Variants in ABCG1 observed in about 807,000 individuals in gnomAD.
The protein encoded by ABCG1 is ATP binding cassette subfamily G member 1.
A neutral mutation model predicts 69.2 loss-of-function variants in ABCG1; 29 were observed. The observed-to-expected ratio is 0.42, with a 90% CI of 0.31 to 0.57. ABCG1 has a LOEUF of 0.57. Ranked by LOEUF, ABCG1 falls within the 20% of genes least tolerant of loss-of-function variation. The pLI is 0.15. For synonymous variants in ABCG1, 370 were observed against 374.8 expected (o/e 0.99, Z 0.15); for missense variants, 718 against 898.1 (o/e 0.80, Z 2.56).
At chr21:42,230,067 A>C (rs977807487) in intron 2 of ABCG1, among the ~76,000 whole-genome samples, 3 of 152,254 alleles carry the variant, frequency 2.0e-5, no homozygotes, top group Admixed American at 6.5e-5. Flanking sequence ...CAATCCTTAC[A>C]AGAAAGGCGA....
chr21:42,265,643 G>A (rs413656), intron 2 of ABCG1, among the ~76,000 whole-genome samples: 66,795 of 151,770 alleles, frequency 0.44, 15,019 homozygotes, highest in Middle Eastern at 0.58. Context: ...TCCAGCCTCC[G>A]GGGCTGTGAG....
chr21:42,270,963 A>AT, intron 2 of ABCG1, 107 bp from the exon 3 acceptor site: 1 of 643,802 alleles, frequency 1.6e-6, no homozygotes, highest in Non-Finnish European at 2.6e-6. Context: ...TCTATGATGC[A>AT]TGTCAAAGGT....
intron 1 of ABCG1, among the ~76,000 whole-genome samples, chr21:42,200,486 A>G (rs922298683): frequency 5.3e-5 from 8 of 152,156 alleles, no homozygotes; most frequent in African/African-American, 1.7e-4. Flanking sequence ...GGGGTCCCCA[A>G]ACTTTTTGGC....
chr21:42,282,883 C>T (rs745417487), intron 6 of ABCG1, among the ~76,000 whole-genome samples: 9 of 151,664 alleles, frequency 5.9e-5, no homozygotes, highest in East Asian at 1.9e-4. Context: ...GCTCTGACCC[C>T]GCCTGCAGGA....
intron 2 of ABCG1, chr21:42,260,045 G>A: frequency 6.5e-7 from 1 of 1,550,386 alleles, no homozygotes; most frequent in Non-Finnish European, 8.7e-7. Context: ...CCCATCACCT[G>A]GGGGTGGTCG....
chr21:42,245,223 G>A lies in ABCG1; in HGVS notation c.286+19309G>A, dbSNP rs117141533. Among the ~76,000 whole-genome samples the A allele has an allele frequency of 7.0e-3, 1,065 of 152,330 alleles. 6 individuals are homozygous for A. The highest frequency in any genetic ancestry group is 0.017 in the Middle Eastern group (5 of 294). ...TTCTGCATCCGAGGACTTCTGAAAA[G>A]CCACAGATGGAAGAACCAAAGAAAA... On this transcript the variant is annotated intron_variant, in intron 2 of 14. Transcript: ENST00000398449.
chr21:42,233,756 G>A (rs770996204), intron 2 of ABCG1, among the ~76,000 whole-genome samples: 1 of 152,266 alleles, frequency 6.6e-6, no homozygotes, highest in Non-Finnish European at 1.5e-5. Context: ...TGCGGCATCC[G>A]CAGGGTGCAG....
At chr21:42,224,600 C>A (rs2067784347) in intron 1 of ABCG1, among the ~76,000 whole-genome samples, 1 of 152,158 alleles carries the variant, frequency 6.6e-6, no homozygotes, top group Non-Finnish European at 1.5e-5. Context: ...AGTGCAGGAG[C>A]TAAGTTTTGA....
At chr21:42,258,158 C>G (rs953170949) in intron 2 of ABCG1, among the ~76,000 whole-genome samples, 2 of 127,602 alleles carry the variant, frequency 1.6e-5, no homozygotes, top group Non-Finnish European at 3.4e-5. Flanking sequence ...CCACTCATCC[C>G]TCCACTCATC....
chr21:42,234,880 C>T (rs1186943175), intron 2 of ABCG1, among the ~76,000 whole-genome samples: 1 of 151,546 alleles, frequency 6.6e-6, no homozygotes, highest in Non-Finnish European at 1.5e-5. Context: ...CGCCACCGCC[C>T]GCGCCGGGGT....
exon 2 of ABCG1, chr21:42,201,653 C>G: frequency 6.2e-7 from 1 of 1,604,900 alleles, no homozygotes; most frequent in Non-Finnish European, 8.5e-7. Flanking sequence ...GGATCACCGA[C>G]TCTGTGCCAG....
At chr21:42,227,850 G>A (rs2067841474) in intron 2 of ABCG1, among the ~76,000 whole-genome samples, 2 of 152,118 alleles carry the variant, frequency 1.3e-5, no homozygotes, top group Admixed American at 1.3e-4. Context: ...GAGAGAGAGA[G>A]AGAGAGCATA....
chr21:42,231,041 T>C (rs2123548775), intron 2 of ABCG1, among the ~76,000 whole-genome samples: 1 of 152,274 alleles, frequency 6.6e-6, no homozygotes. Flanking sequence ...TGGTGTGGGG[T>C]TGCCTTGGCT....
chr21:42,295,722 A>G lies in ABCG1; in HGVS notation c.1773-442A>G, dbSNP rs372736820. 7.9e-5 allele frequency among the ~76,000 whole-genome samples: 12 copies of G among 152,378 alleles called. 1 individual carries two copies. Among genetic ancestry groups the G allele is most frequent in the East Asian group, 3.9e-4 (2 of 5,192 alleles). On this transcript the variant is annotated intron_variant, in intron 14 of 14. Transcript: ENST00000398449. ...ATCAGAAACCGACGTCTTTCTTCTC[A>G]AAATGAGTGCTTTTGTTCTGACAGG...
chr21:42,265,942 G>T (rs1052450351), intron 2 of ABCG1, among the ~76,000 whole-genome samples: 3 of 152,172 alleles, frequency 2.0e-5, no homozygotes, highest in Non-Finnish European at 4.4e-5. Flanking sequence ...CCTGGACAGG[G>T]TTCTTCTCTC....
At position 42,234,796 on chromosome 21, in the gene ABCG1, G is replaced by A. The variant is rs138793961; in HGVS notation, c.286+8882G>A. Reference sequence around the variant, plus strand: ...ACGCCCGGGAGAAAACAGCGCTGCCGGAGCCCCTCGCGCGCGCAGGTGCGG... The same window carrying A: ...ACGCCCGGGAGAAAACAGCGCTGCCAGAGCCCCTCGCGCGCGCAGGTGCGG... On this transcript the variant is annotated intron_variant, in intron 2 of 14. Coordinates refer to ENST00000398449, the MANE Select transcript of ABCG1 (RefSeq NM_016818.3). Among the ~76,000 whole-genome samples, 318 of 151,932 alleles carry A rather than the reference G, an allele frequency of 2.1e-3. 2 individuals are homozygous for A. Among genetic ancestry groups the A allele is most frequent in the African/African-American group, 7.4e-3 (308 of 41,534 alleles).
At chr21:42,228,016 G>A (rs2067844725) in intron 2 of ABCG1, among the ~76,000 whole-genome samples, 1 of 152,156 alleles carries the variant, frequency 6.6e-6, no homozygotes, top group Non-Finnish European at 1.5e-5. Context: ...AGATTTGGGT[G>A]GGGACACAGA....
chr21:42,208,569 C>A lies in ABCG1; in HGVS notation c.48+6846C>A, dbSNP rs540301210. ...ATTTGGAATAGGTTTGCCGTCTTCA[C>A]CCAATAAATACCTGATAGCAGTGAA... On this transcript the variant is annotated intron_variant, in intron 2 of 15. Transcript: ENST00000398457. Among the ~76,000 whole-genome samples the A allele has an allele frequency of 8.6e-4, 131 of 152,284 alleles. 1 individual carries two copies. Among genetic ancestry groups the A allele is most frequent in the Non-Finnish European group, 1.4e-3 (98 of 68,026 alleles).
At chr21:42,278,881 T>C (rs2068756174) in intron 5 of ABCG1, among the ~76,000 whole-genome samples, 2 of 151,922 alleles carry the variant, frequency 1.3e-5, no homozygotes, top group South Asian at 4.2e-4. Flanking sequence ...TGAGGTCAGT[T>C]TTGCCACCCC....
Sources: gnomAD v4.1 joint callset for allele counts (sites outside exome capture counted in the v4.1 genomes callset) on GRCh38, gnomAD v4.1.1 for gene constraint, MANE v1.5 for transcripts, NCBI Gene and HGNC (gene_info 2026-07-23, HGNC 2026-07-21) for gene names.